Variants in PLCL1 observed in about 807,000 individuals in gnomAD.
PLCL1 encodes inactive phospholipase C-like protein 1.
PLCL1 carries 41 observed loss-of-function variants against 84.4 expected under a neutral mutation model. The observed-to-expected ratio is 0.49, with a 90% confidence interval of 0.38 to 0.63. PLCL1 has a LOEUF of 0.63. Ranked by LOEUF, PLCL1 falls within the 30% of genes least tolerant of loss-of-function variation. PLCL1 has a pLI of 0.00. For synonymous variants in PLCL1, 490 were observed against 488.3 expected, an observed-to-expected ratio of 1.00 and a Z score of -0.05; for missense variants, 1,206 against 1,367.8, an observed-to-expected ratio of 0.88 and a Z score of 1.87.
At chr2:198,144,681 A>T (rs1694473970) in intron 5 of PLCL1, among the ~76,000 whole-genome samples, 1 of 152,200 alleles carries the variant, frequency 6.6e-6, no homozygotes, top group Non-Finnish European at 1.5e-5. Context: ...TTGGTTGAAG[A>T]TGCTCCAACC....
At position 197,903,649 on chromosome 2, in the gene PLCL1, ATTTTTTTTTTTTT is replaced by A. The variant is rs11295926; in HGVS notation, c.240+98325_240+98337del. Among the ~76,000 whole-genome samples the A allele has an allele frequency of 3.9e-4, 28 of 72,412 alleles. 1 individual carries two copies. The East Asian group carries it at 7.3e-3, about 19-fold the overall frequency. 47.5% of individuals were successfully genotyped at this position (72,412 alleles called of 152,430 possible). A position where few individuals can be genotyped will look rare whatever the true frequency, so the allele number is the denominator to read the frequency against. On this transcript the variant is annotated intron_variant, in intron 1 of 5. Transcript: ENST00000428675. ...CAGGTGCCCGCCACCACGCCCAGCT[ATTTTTTTTTTTTT>A]TTTTTTTTTTTTTTGTATTTTTAGT...
chr2:198,126,227 T>C (rs1034208460), intron 5 of PLCL1, among the ~76,000 whole-genome samples: 8 of 152,082 alleles, frequency 5.3e-5, no homozygotes, highest in African/African-American at 1.5e-4. Context: ...TGCCTCTATG[T>C]CTCTGCATAC....
intron 1 of PLCL1, among the ~76,000 whole-genome samples, chr2:197,854,614 C>T (rs1470291867): frequency 6.6e-6 from 1 of 152,070 alleles, no homozygotes; most frequent in Non-Finnish European, 1.5e-5. Flanking sequence ...GAAATACATA[C>T]ATAATATTAT....
At chr2:197,848,570 G>A (rs1211587341) in intron 1 of PLCL1, among the ~76,000 whole-genome samples, 1 of 152,134 alleles carries the variant, frequency 6.6e-6, no homozygotes, top group African/African-American at 2.4e-5. Flanking sequence ...ATAGTAGACT[G>A]CTGTGGGAAA....
At chr2:198,142,683 T>C (rs538614706) in intron 5 of PLCL1, among the ~76,000 whole-genome samples, 49 of 152,298 alleles carry the variant, frequency 3.2e-4, no homozygotes, top group African/African-American at 1.1e-3. Context: ...CTGTGGAGGC[T>C]AAATGGTGGC....
intron 5 of PLCL1, among the ~76,000 whole-genome samples, chr2:198,133,137 CAAT>C (rs1246680159): frequency 2.0e-5 from 3 of 151,634 alleles, no homozygotes; most frequent in South Asian, 2.1e-4. Context: ...AAATGTCCAA[CAAT>C]GATAGACTGG....
chr2:198,052,861 C>A (rs1400026664), intron 1 of PLCL1, among the ~76,000 whole-genome samples: 1 of 152,242 alleles, frequency 6.6e-6, no homozygotes, highest in South Asian at 2.1e-4. Context: ...TGAGGTACCT[C>A]CCCCTTCATT....
chr2:197,822,644 A>C (rs1411275439), intron 1 of PLCL1, among the ~76,000 whole-genome samples: 1 of 152,202 alleles, frequency 6.6e-6, no homozygotes, highest in Non-Finnish European at 1.5e-5. Flanking sequence ...GTTGCAGCAC[A>C]GACAGGTTAA....
intron 1 of PLCL1, among the ~76,000 whole-genome samples, chr2:197,847,770 T>G (rs1024242602): frequency 6.6e-6 from 1 of 152,220 alleles, no homozygotes; most frequent in Admixed American, 6.5e-5. Flanking sequence ...GTCAGAACAC[T>G]TTTCCCGCTC....
At chr2:197,904,326 C>A (rs1489900864) in intron 1 of PLCL1, among the ~76,000 whole-genome samples, 1 of 152,086 alleles carries the variant, frequency 6.6e-6, no homozygotes, top group Non-Finnish European at 1.5e-5. Flanking sequence ...ATTTTGGGTT[C>A]TTTATTCCGT....
At chr2:198,110,884 G>A (rs767512010) in intron 5 of PLCL1, among the ~76,000 whole-genome samples, 1 of 151,740 alleles carries the variant, frequency 6.6e-6, no homozygotes, top group South Asian at 2.1e-4. Flanking sequence ...TCTAGAGAAA[G>A]GCTAGGATTC....
chr2:197,901,732 G>A (rs2105737036), intron 1 of PLCL1, among the ~76,000 whole-genome samples: 1 of 152,292 alleles, frequency 6.6e-6, no homozygotes, highest in African/African-American at 2.4e-5. Flanking sequence ...TTAGATTTGG[G>A]AGCAAAGTTA....
intron 5 of PLCL1, among the ~76,000 whole-genome samples, chr2:198,105,308 T>C (rs1462555641): frequency 6.6e-6 from 1 of 151,930 alleles, no homozygotes; most frequent in African/African-American, 2.4e-5. Flanking sequence ...TTGACTTTAT[T>C]GAAGCTGAGA....
intron 2 of PLCL1, among the ~76,000 whole-genome samples, chr2:198,088,524 A>G (rs549321907): frequency 6.6e-6 from 1 of 152,192 alleles, no homozygotes; most frequent in Non-Finnish European, 1.5e-5. Flanking sequence ...AAAAAAGCCC[A>G]AGTGAAATGC....
intron 1 of PLCL1, among the ~76,000 whole-genome samples, chr2:197,939,432 A>G (rs1689113488): frequency 6.6e-6 from 1 of 152,180 alleles, no homozygotes; most frequent in South Asian, 2.1e-4. Flanking sequence ...GGTGACTTAA[A>G]CGACAGAAGT....
chr2:197,922,878 G>A (rs534044700), intron 1 of PLCL1, among the ~76,000 whole-genome samples: 5 of 133,778 alleles, frequency 3.7e-5, no homozygotes, highest in African/African-American at 8.2e-5. Flanking sequence ...TCACCTCCCA[G>A]ACGGGGCGGC....
chr2:198,051,435 C>CT (rs1269407333), intron 1 of PLCL1, among the ~76,000 whole-genome samples: 1 of 152,036 alleles, frequency 6.6e-6, no homozygotes, highest in African/African-American at 2.4e-5. Flanking sequence ...GATGTCACTA[C>CT]TTTTTTATAG....
chr2:197,906,427 GT>G (rs766219283), intron 1 of PLCL1, among the ~76,000 whole-genome samples: 11 of 151,818 alleles, frequency 7.2e-5, no homozygotes, highest in Admixed American at 2.6e-4. Flanking sequence ...CTATATCTCT[GT>G]TTTGGTACCA....
intron 1 of PLCL1, among the ~76,000 whole-genome samples, chr2:197,924,143 G>T: frequency 2.5e-5 from 1 of 39,302 alleles, no homozygotes; most frequent in Admixed American, 2.6e-4. Context: ...CGTGGGGAGA[G>T]GGAGAGGGAG....
Sources: gnomAD v4.1 joint callset for allele counts (sites outside exome capture counted in the v4.1 genomes callset) on GRCh38, gnomAD v4.1.1 for gene constraint, MANE v1.5 for transcripts, NCBI Gene and HGNC (gene_info 2026-07-23, HGNC 2026-07-21) for gene names.